The following TAF2 variants were observed in gnomAD, a reference collection of about 807,000 sequenced individuals.
TAF2 encodes TATA-box binding protein associated factor 2, also known as transcription initiation factor TFIID subunit 2.
A neutral mutation model predicts 138.5 loss-of-function variants in TAF2; 61 were observed. The ratio of observed to expected loss-of-function variants is 0.44; its 90% CI spans 0.36 to 0.54. TAF2 has a LOEUF of 0.54. TAF2 is among the 20% of genes least tolerant of loss of function. TAF2 has a pLI of 0.00. For missense variants in TAF2, 1,090 were observed against 1,427.9 expected (o/e 0.76, Z 3.81); for synonymous variants, 475 against 469.9 (o/e 1.01, Z -0.14).
chr8:119,758,113 G>C lies in TAF2; in HGVS notation c.2728C>G (p.Leu910Val), dbSNP rs1162435080. The C allele has an allele frequency of 1.2e-6, 2 of 1,612,992 alleles. No individual in the cohort carries two copies. Among genetic ancestry groups the C allele is most frequent in the South Asian group, 2.2e-5 (2 of 91,028 alleles). Residue 910 changes from leucine (L) to valine (V), a missense_variant, in exon 21 of 26, where the codon CTA becomes GTA. Transcript: ENST00000378164. Reference sequence around the variant, plus strand: ...GGGTCATTCTGAATCATATTAAGTAGCCATTGCAGTTCTTCATAACTTCTG... The same window carrying C: ...GGGTCATTCTGAATCATATTAAGTACCCATTGCAGTTCTTCATAACTTCTG... Reference protein sequence around the residue: ...VDRSYEELQWLLNMIQNDPVP... With the variant: ...VDRSYEELQWVLNMIQNDPVP...
At chr8:119,750,094 C>T (rs1049564951) in intron 22 of TAF2, among the ~76,000 whole-genome samples, 1 of 152,166 alleles carries the variant, frequency 6.6e-6, no homozygotes, top group African/African-American at 2.4e-5. Context: ...GCTATTAAAA[C>T]TGATCAACTA....
chr8:119,786,950 C>A (rs1177091534), intron 14 of TAF2, among the ~76,000 whole-genome samples: 1 of 152,108 alleles, frequency 6.6e-6, no homozygotes, highest in African/African-American at 2.4e-5. Context: ...ACCACAAAAA[C>A]CCTAGAAGAA....
intron 2 of TAF2, among the ~76,000 whole-genome samples, chr8:119,820,380 C>T (rs1306156786): frequency 6.6e-6 from 1 of 152,118 alleles, no homozygotes; most frequent in Non-Finnish European, 1.5e-5. Flanking sequence ...ACAGCAACCA[C>T]AGAGGACTAG....
At chr8:119,802,475 A>G (rs1371118268) in intron 5 of TAF2, among the ~76,000 whole-genome samples, 1 of 152,240 alleles carries the variant, frequency 6.6e-6, no homozygotes, top group Non-Finnish European at 1.5e-5. Flanking sequence ...TATAAATTCA[A>G]ACTGAGTGCT....
At chr8:119,804,087 A>G in intron 4 of TAF2, 68 bp from the exon 5 acceptor site, 1 of 1,559,626 alleles carries the variant, frequency 6.4e-7, no homozygotes, top group Non-Finnish European at 8.8e-7. Context: ...AAAGACAAAG[A>G]TTTAATGCTG....
intron 25 of TAF2, among the ~76,000 whole-genome samples, chr8:119,735,355 C>G (rs976354944): frequency 1.3e-5 from 2 of 152,052 alleles, no homozygotes; most frequent in African/African-American, 4.8e-5. Flanking sequence ...AGTTGTGTTT[C>G]TTTTTAAATG....
At chr8:119,777,008 G>A (rs1166089775) in intron 18 of TAF2, among the ~76,000 whole-genome samples, 1 of 151,630 alleles carries the variant, frequency 6.6e-6, no homozygotes, top group Admixed American at 6.6e-5. Context: ...GGTTGTGTCT[G>A]TACTGAACAT....
intron 18 of TAF2, among the ~76,000 whole-genome samples, chr8:119,776,315 TA>T (rs1460675625): frequency 4.6e-5 from 7 of 151,016 alleles, no homozygotes; most frequent in African/African-American, 1.4e-4. Context: ...TGATTTTCAT[TA>T]AAAAGTCATC....
chr8:119,770,061 A>T lies in TAF2; in HGVS notation c.2365-7453T>A, dbSNP rs796422108. ...TGTAAGCCACTGCACGCAGCCCCCA[A>T]TTTTTTTTTTTTTAAATGAACAAAG... On this transcript the variant is annotated intron_variant, in intron 18 of 25. Transcript: ENST00000378164. 4.8e-5 allele frequency among the ~76,000 whole-genome samples: 7 copies of T among 146,946 alleles called. No homozygotes were observed. The South Asian group carries it at 1.3e-3, about 27-fold the overall frequency.
At chr8:119,797,918 C>G (rs1242132930) in intron 6 of TAF2, 72 bp from the exon 7 acceptor site, 3 of 1,335,202 alleles carry the variant, frequency 2.2e-6, no homozygotes, top group Non-Finnish European at 3.2e-6. Context: ...TCCTAAACAC[C>G]TCAACTATAA....
intron 18 of TAF2, among the ~76,000 whole-genome samples, chr8:119,771,660 T>C (rs1311603167): frequency 6.6e-6 from 1 of 152,186 alleles, no homozygotes; most frequent in Non-Finnish European, 1.5e-5. Flanking sequence ...ATTAATTTTA[T>C]ACACACCCAA....
chr8:119,768,193 C>G (rs905047573), intron 18 of TAF2, among the ~76,000 whole-genome samples: 6 of 152,160 alleles, frequency 3.9e-5, no homozygotes, highest in African/African-American at 1.4e-4. Context: ...TGTGATCAAC[C>G]CTGGGGTTCC....
intron 12 of TAF2, among the ~76,000 whole-genome samples, 153 bp from the exon 13 acceptor site, chr8:119,789,057 A>G (rs761311522): frequency 6.6e-6 from 1 of 152,248 alleles, no homozygotes; most frequent in Non-Finnish European, 1.5e-5. Flanking sequence ...CAAAGTATTC[A>G]AAGTACTTGT....
intron 18 of TAF2, among the ~76,000 whole-genome samples, chr8:119,776,448 C>T (rs1006768350): frequency 1.3e-5 from 2 of 149,518 alleles, no homozygotes; most frequent in East Asian, 2.0e-4. Flanking sequence ...TTTGAAAGGC[C>T]GAGACGGGCG....
intron 3 of TAF2, among the ~76,000 whole-genome samples, chr8:119,814,242 T>C (rs190283923): frequency 6.6e-6 from 1 of 152,296 alleles, no homozygotes; most frequent in East Asian, 1.9e-4. Flanking sequence ...AAATGAACTC[T>C]AATGTCCCTC....
intron 3 of TAF2, among the ~76,000 whole-genome samples, chr8:119,817,497 A>G (rs1825556600): frequency 1.3e-5 from 2 of 152,218 alleles, no homozygotes; most frequent in South Asian, 2.1e-4. Context: ...ACTGTCTTCC[A>G]AGAAACTGCT....
chr8:119,810,017 A>AG, intron 3 of TAF2, among the ~76,000 whole-genome samples: 1 of 151,454 alleles, frequency 6.6e-6, no homozygotes, highest in African/African-American at 2.4e-5. Context: ...AAAAAAAAAA[A>AG]CAGTATCTGC....
chr8:119,818,732 CCACACA>C (rs199991010), intron 3 of TAF2, among the ~76,000 whole-genome samples: 1,232 of 110,846 alleles, frequency 0.011, 18 homozygotes, highest in African/African-American at 0.047. Flanking sequence ...AAAATGAAGT[CCACACA>C]CACACACACA....
chr8:119,772,126 G>A (rs1333551262), intron 18 of TAF2, among the ~76,000 whole-genome samples: 3 of 152,048 alleles, frequency 2.0e-5, no homozygotes, highest in African/African-American at 7.2e-5. Flanking sequence ...ATAAAAAAAA[G>A]AATGAAAATA....
Sources: gnomAD v4.1 joint callset for allele counts (sites outside exome capture counted in the v4.1 genomes callset) on GRCh38, gnomAD v4.1.1 for gene constraint, MANE v1.5 for transcripts, NCBI Gene and HGNC (gene_info 2026-07-23, HGNC 2026-07-21) for gene names.